The following ATP7B variants were observed in gnomAD, a reference collection of about 807,000 sequenced individuals.
ATP7B encodes ATPase copper transporting beta, also known as copper-transporting ATPase 2.
Under a neutral mutation model 118.9 loss-of-function variants are expected in ATP7B, and 113 were observed. That is an observed-to-expected ratio of 0.95 (90% CI 0.82 to 1.11). The LOEUF is 1.11. Among genes scored for constraint, ATP7B ranks in the 50% most tolerant of loss-of-function variants. ATP7B has a pLI of 0.00. For missense variants in ATP7B, 1,867 were observed against 1,871.4 expected, an observed-to-expected ratio of 1.00 and a Z score of 0.04; for synonymous variants, 777 against 727.4, an observed-to-expected ratio of 1.07 and a Z score of -1.10.
rs1954031128 is a variant in ATP7B, at chr13:52,011,418, T to C, written c.-81A>G. 1 of 1,591,910 alleles carries C rather than the reference T, an allele frequency of 6.3e-7. No individual in the cohort carries two copies. Among genetic ancestry groups the C allele is most frequent in the Admixed American group, 1.7e-5 (1 of 59,572 alleles). The stretch of plus-strand genomic sequence containing the variant: ...TGGTCGGTGGAGGAGAGCGGGGTGT[T>C]AAAGTCCCGGGAGAGGAGGCGCAGA... On this transcript the variant is annotated 5_prime_UTR_variant, in exon 1 of 21. Transcript: ENST00000242839.
In ATP7B at chr13:51,942,429, C is replaced by T. The variant is rs61733679; in HGVS notation, c.3369G>A (p.Pro1123=). ...LAHSERPLSA[P]ASHLNEAGSL... is the part of the protein sequence containing the mutation. ...TGCCAGCCTCATTCAGGTGACTGGC[C>T]GGTGCACTCAAAGGGCGCTCACTGT... Residue 1123 remains proline, a synonymous_variant, in exon 15 of 21, where the codon CCG becomes CCA. Coordinates refer to ENST00000242839, the MANE Select transcript of ATP7B (RefSeq NM_000053.4). The T allele has an allele frequency of 6.3e-4, 1,010 of 1,614,158 alleles. 3 individuals carry two copies. In the African/African-American group the frequency reaches 0.011, roughly 18 times the overall value.
chr13:51,991,374 G>A (rs761508277), intron 1 of ATP7B, among the ~76,000 whole-genome samples: 4 of 152,118 alleles, frequency 2.6e-5, no homozygotes, highest in Non-Finnish European at 5.9e-5. Flanking sequence ...AGCTACTCAG[G>A]AGGCTAGGGT....
chr13:52,011,586 G>C, upstream of ATP7B: 6 of 608,916 alleles, frequency 9.9e-6, no homozygotes, highest in Non-Finnish European at 1.8e-5. Context: ...CTGGGGGCAC[G>C]GGGATGAGAG....
At chr13:51,994,802 G>A (rs142319700) in intron 1 of ATP7B, among the ~76,000 whole-genome samples, 1 of 152,194 alleles carries the variant, frequency 6.6e-6, no homozygotes, top group East Asian at 1.9e-4. Context: ...GTCTGACTAG[G>A]TCAATGAAGA....
chr13:51,999,553 G>A (rs900991563), intron 1 of ATP7B, among the ~76,000 whole-genome samples: 83 of 152,274 alleles, frequency 5.5e-4, no homozygotes, highest in African/African-American at 2.0e-3. Context: ...GAGAAACAAT[G>A]GGATTATCGA....
chr13:51,950,416 T>G lies in ATP7B; in HGVS notation c.2448-17A>C. Reference sequence around the variant, plus strand: ...TGCTCCTCCCTGCAACAAACGCCACTTATCACTCACATGGCCACTCATTCG... The same window carrying G: ...TGCTCCTCCCTGCAACAAACGCCACGTATCACTCACATGGCCACTCATTCG... On this transcript the variant is annotated splice_polypyrimidine_tract_variant and intron_variant, in intron 9 of 20. Transcript: ENST00000242839. 2.5e-6 allele frequency: 4 copies of G among 1,613,632 alleles called. No homozygotes were observed. Among genetic ancestry groups the G allele is most frequent in the Non-Finnish European group, 3.4e-6 (4 of 1,180,032 alleles).
intron 12 of ATP7B, among the ~76,000 whole-genome samples, chr13:51,948,365 T>C (rs1416211785): frequency 1.3e-5 from 2 of 152,140 alleles, no homozygotes; most frequent in East Asian, 3.9e-4. Context: ...ATCCTCTGCC[T>C]TAGCCTCCCA....
intron 1 of ATP7B, among the ~76,000 whole-genome samples, chr13:51,985,060 C>T (rs923477364): frequency 6.6e-6 from 1 of 152,174 alleles, no homozygotes; most frequent in African/African-American, 2.4e-5. Flanking sequence ...CAAATTCACA[C>T]ATAACAATAC....
chr13:51,993,108 T>C (rs1953005389), intron 1 of ATP7B, among the ~76,000 whole-genome samples: 1 of 151,960 alleles, frequency 6.6e-6, no homozygotes, highest in African/African-American at 2.4e-5. Flanking sequence ...CCATATTTAT[T>C]TTAAAAATAT....
rs773712891 is a variant in ATP7B, at chr13:51,950,255, G to A, written c.2575+17C>T. ...CTATGATATCCTCCTGAGGGAACATGAAACAAGCCATCTCACCTGTGATGA... is the reference window on the plus strand; with the variant it reads ...CTATGATATCCTCCTGAGGGAACATAAAACAAGCCATCTCACCTGTGATGA... On this transcript the variant is annotated intron_variant, in intron 10 of 20. Coordinates refer to ENST00000242839, the MANE Select transcript of ATP7B (RefSeq NM_000053.4). 1.7e-5 allele frequency: 28 copies of A among 1,614,182 alleles called. No individual in the cohort carries two copies. The highest frequency in any genetic ancestry group is 2.4e-5 in the Non-Finnish European group (28 of 1,180,032).
chr13:51,939,944 A>C lies in ATP7B; in HGVS notation c.3557-751T>G, dbSNP rs115696446. Among the ~76,000 whole-genome samples, 978 of 151,380 alleles carry C rather than the reference A, an allele frequency of 6.5e-3. 11 individuals carry two copies. Among genetic ancestry groups the C allele is most frequent in the African/African-American group, 0.021 (878 of 41,278 alleles). ...CTAACATTAACAAAGTAAAGACTCTAATCTCTCTGGGATGTAAAGCCCAGG... is the reference window on the plus strand; with the variant it reads ...CTAACATTAACAAAGTAAAGACTCTCATCTCTCTGGGATGTAAAGCCCAGG... On this transcript the variant is annotated intron_variant, in intron 16 of 20. Coordinates refer to ENST00000242839, the MANE Select transcript of ATP7B (RefSeq NM_000053.4).
At position 51,958,506 on chromosome 13, in the gene ATP7B, T is replaced by C. The variant is rs753016869; in HGVS notation, c.2160A>G (p.Lys720=). The change falls in exon 8 of 21, where the codon AAA becomes AAG. Residue 720 remains lysine (K), a synonymous_variant. Coordinates refer to ENST00000242839, the MANE Select transcript of ATP7B (RefSeq NM_000053.4). ...TGTTGGCTGACCTGTGTCTCAGAGA[T>C]TTGTAGGCCTGAACGTAGAAGTACC... ...GGWYFYVQAY[K]SLRHRSANMD... 15 of 1,613,830 alleles carry C rather than the reference T, an allele frequency of 9.3e-6. No homozygotes were observed. The highest frequency in any genetic ancestry group is 1.3e-5 in the Non-Finnish European group (15 of 1,179,982).
At chr13:51,960,027 A>G in intron 7 of ATP7B, 121 bp downstream of exon 7, 1 of 1,340,470 alleles carries the variant, frequency 7.5e-7, no homozygotes, top group Non-Finnish European at 1.1e-6. Flanking sequence ...TGGGGCAGGA[A>G]AGCTGCAATA....
In ATP7B at chr13:51,946,317, G is replaced by T; in HGVS notation, c.3027C>A (p.Ile1009=). The change falls in exon 13 of 21, where the codon ATC becomes ATA. Residue 1009 remains isoleucine, a synonymous_variant. Coordinates refer to ENST00000242839, the MANE Select transcript of ATP7B (RefSeq NM_000053.4). ...TGVAAQNGIL[I]KGGKPLEMAH... is the part of the protein sequence containing the mutation. Reference sequence around the variant, plus strand: ...CCATCTCCAGGGGCTTGCCTCCCTTGATGAGGATGCCGTTCTGCGCGGCCA... The same window carrying T: ...CCATCTCCAGGGGCTTGCCTCCCTTTATGAGGATGCCGTTCTGCGCGGCCA... The T allele has an allele frequency of 2.5e-6, 4 of 1,601,936 alleles. No individual in the cohort carries two copies. In the South Asian group the frequency reaches 4.5e-5, roughly 18 times the overall value.
chr13:52,003,062 A>C (rs972510159), intron 1 of ATP7B, among the ~76,000 whole-genome samples: 1 of 152,166 alleles, frequency 6.6e-6, no homozygotes, highest in African/African-American at 2.4e-5. Context: ...TATCAGCAGT[A>C]AGGCTGTTTT....
chr13:51,974,019 C>T lies in ATP7B; in HGVS notation c.1201G>A (p.Val401Ile), dbSNP rs1428023234. The T allele has an allele frequency of 6.2e-7, 1 of 1,614,280 alleles. No homozygotes were observed. Among genetic ancestry groups the T allele is most frequent in the Non-Finnish European group, 8.5e-7 (1 of 1,180,054 alleles). Residue 401 changes from valine (V) to isoleucine (I), a missense_variant, in exon 2 of 21, where the codon GTT becomes ATT. Coordinates refer to ENST00000242839, the MANE Select transcript of ATP7B (RefSeq NM_000053.4). Reference sequence around the variant, plus strand: ...CTAATTACAGAGGGATTATAAAGAACTGTTGCAGTCCCTTCGGCCAAAGAC... The same window carrying T: ...CTAATTACAGAGGGATTATAAAGAATTGTTGCAGTCCCTTCGGCCAAAGAC... ...SVSLAEGTAT[V>I]LYNPSVISPE...
intron 1 of ATP7B, among the ~76,000 whole-genome samples, chr13:51,994,644 T>C (rs555001390): frequency 6.6e-6 from 1 of 152,352 alleles, no homozygotes; most frequent in Admixed American, 6.5e-5. Context: ...ATAGCACATT[T>C]GAAAGTTCTT....
At chr13:52,006,432 A>G (rs1319298782) in intron 1 of ATP7B, among the ~76,000 whole-genome samples, 3 of 152,246 alleles carry the variant, frequency 2.0e-5, no homozygotes, top group African/African-American at 7.2e-5. Flanking sequence ...TACTCAGGAC[A>G]GTTGAGTTTG....
At chr13:51,937,811 C>A (rs1031124492) in intron 17 of ATP7B, 132 bp from the exon 18 acceptor site, 3 of 1,042,162 alleles carry the variant, frequency 2.9e-6, no homozygotes, top group Non-Finnish European at 2.9e-6. Flanking sequence ...CCACACCCTG[C>A]AGGTTTGCTG....
Sources: allele counts gnomAD v4.1 joint callset (sites outside exome capture counted in the v4.1 genomes callset), GRCh38; gene constraint gnomAD v4.1.1; transcripts MANE v1.5; gene names NCBI Gene and HGNC (gene_info 2026-07-23, HGNC 2026-07-21).